Variants in BEND5 observed in about 807,000 individuals in gnomAD.
The protein encoded by BEND5 is BEN domain-containing protein 5.
In BEND5, 22 loss-of-function variants were observed where a neutral mutation model predicts 43.9. That is an observed-to-expected ratio of 0.50 (90% confidence interval 0.36 to 0.72). The LOEUF (loss-of-function observed/expected upper bound fraction) is 0.72, where lower values mean the gene tolerates loss of function less well. BEND5 is among the 30% of genes least tolerant of loss of function. BEND5 has a pLI of 0.00. For missense variants in BEND5, 428 were observed against 550.6 expected (o/e 0.78, Z 2.23); for synonymous variants, 228 against 225.9 (o/e 1.01, Z -0.08).
At chr1:48,775,945 T>G (rs1262266477) in intron 1 of BEND5, among the ~76,000 whole-genome samples, 1 of 152,178 alleles carries the variant, frequency 6.6e-6, no homozygotes, top group Non-Finnish European at 1.5e-5. Flanking sequence ...AGGGATGCCT[T>G]AGGGCCTCTA....
chr1:48,742,066 G>C (rs1331170122), intron 4 of BEND5, among the ~76,000 whole-genome samples: 1 of 152,160 alleles, frequency 6.6e-6, no homozygotes, highest in Non-Finnish European at 1.5e-5. Context: ...AGTTCTATAA[G>C]GTCCTAGGAC....
chr1:48,775,459 T>C lies in BEND5; in HGVS notation c.226+1147A>G, dbSNP rs72904875. ...AAAAAAATAGAGAAGGTCTCAAAAT[T>C]ACAAAACATCTTCATTCAGTCACTA... On this transcript the variant is annotated intron_variant, in intron 1 of 5. Coordinates refer to ENST00000371833, the MANE Select transcript of BEND5 (RefSeq NM_024603.4). Among the ~76,000 whole-genome samples, 402 of 152,218 alleles carry C rather than the reference T, an allele frequency of 2.6e-3. 1 individual carries two copies. Among genetic ancestry groups the C allele is most frequent in the African/African-American group, 8.6e-3 (357 of 41,544 alleles).
chr1:48,752,888 T>C (rs140381842), intron 3 of BEND5, among the ~76,000 whole-genome samples: 3,386 of 152,234 alleles, frequency 0.022, 101 homozygotes, highest in African/African-American at 0.078. Flanking sequence ...TAGCTGGGAC[T>C]ACAGGCACGC....
At chr1:48,737,313 A>C (rs1280931258) in intron 4 of BEND5, among the ~76,000 whole-genome samples, 1 of 152,152 alleles carries the variant, frequency 6.6e-6, no homozygotes, top group Non-Finnish European at 1.5e-5. Context: ...AGAAAAGAAA[A>C]AAAAATCATC....
intron 5 of BEND5, among the ~76,000 whole-genome samples, chr1:48,731,451 C>T (rs1648115394): frequency 6.6e-6 from 1 of 152,134 alleles, no homozygotes; most frequent in African/African-American, 2.4e-5. Context: ...TTAGACAAGT[C>T]TCCTAGGAGG....
intron 5 of BEND5, among the ~76,000 whole-genome samples, chr1:48,728,422 A>G (rs1647540388): frequency 6.6e-6 from 1 of 150,486 alleles, no homozygotes; most frequent in Admixed American, 6.6e-5. Flanking sequence ...CTTAAATAAA[A>G]TAGTTTATTT....
chr1:48,734,280 T>C (rs1648655097), intron 5 of BEND5, among the ~76,000 whole-genome samples: 1 of 152,220 alleles, frequency 6.6e-6, no homozygotes, highest in Admixed American at 6.5e-5. Context: ...ATCTAGGCTC[T>C]GAAACCTTAT....
intron 5 of BEND5, 109 bp from the exon 6 acceptor site, chr1:48,728,152 C>G (rs1647476163): frequency 1.0e-6 from 1 of 965,032 alleles, no homozygotes; most frequent in Admixed American, 2.7e-5. Context: ...CAAATACCAG[C>G]TTATGTATCT....
rs561858175 is a variant in BEND5, at chr1:48,736,990, A to G, written c.895-538T>C. Among the ~76,000 whole-genome samples the G allele has an allele frequency of 6.6e-6, 1 of 152,278 alleles. No individual in the cohort carries two copies. Among genetic ancestry groups the G allele is most frequent in the East Asian group, 1.9e-4 (1 of 5,168 alleles). ...AGGGGTCACCTAGGGAGCTGTAAAAATCACCAGTGACAGCCAGGCATGGTG... is the reference window on the plus strand; with the variant it reads ...AGGGGTCACCTAGGGAGCTGTAAAAGTCACCAGTGACAGCCAGGCATGGTG... On this transcript the variant is annotated intron_variant, in intron 4 of 5. Transcript: ENST00000371833. The surrounding 1 kb of genome is among the most constrained non-coding windows in gnomAD (Gnocchi z 4.0).
chr1:48,736,461 A>G lies in BEND5; in HGVS notation c.895-9T>C. ...CCGCTTCCCAGATGGACCTGAGAGG[A>G]ATAAGAACACCAGCACCTGTTTAGT... On this transcript the variant is annotated splice_polypyrimidine_tract_variant and intron_variant, in intron 4 of 5. Coordinates refer to ENST00000371833, the MANE Select transcript of BEND5 (RefSeq NM_024603.4). The surrounding 1 kb of genome is among the most constrained non-coding windows in gnomAD (Gnocchi z 4.0). 1 of 1,613,236 alleles carries G rather than the reference A, an allele frequency of 6.2e-7. No individual in the cohort carries two copies. The highest frequency in any genetic ancestry group is 1.3e-5 in the African/African-American group (1 of 75,030).
At chr1:48,731,611 C>T (rs1413209147) in intron 5 of BEND5, among the ~76,000 whole-genome samples, 3 of 152,240 alleles carry the variant, frequency 2.0e-5, no homozygotes, top group East Asian at 1.9e-4. Flanking sequence ...GTTAGCCAGG[C>T]AAAGCAGCAC....
intron 1 of BEND5, among the ~76,000 whole-genome samples, chr1:48,764,331 T>C (rs1644423740): frequency 6.6e-6 from 1 of 152,238 alleles, no homozygotes; most frequent in Non-Finnish European, 1.5e-5. Context: ...CCTACTCACG[T>C]TGCAGAACTG....
In BEND5 at chr1:48,758,925, G is replaced by A. The variant is rs757725667; in HGVS notation, c.720C>T (p.Asp240=). ...CGCTGCCAAGCCGCAGGAGCAGCAC[G>A]TCCTGGAGCCTCCGGTTAAGGTCAC... is the stretch of plus-strand genomic sequence containing the variant. ...ELRDLNRRLQ[D]VLLLRLGSGP... The change falls in exon 3 of 6, where the codon GAC becomes GAT. Residue 240 remains aspartate (D), a synonymous_variant. Transcript: ENST00000371833. The A allele has an allele frequency of 1.5e-5, 24 of 1,562,390 alleles. No individual in the cohort carries two copies. The East Asian group carries it at 2.5e-4, about 16-fold the overall frequency.
At chr1:48,740,488 CA>C in intron 4 of BEND5, among the ~76,000 whole-genome samples, 1 of 152,130 alleles carries the variant, frequency 6.6e-6, no homozygotes, top group East Asian at 1.9e-4. Flanking sequence ...AACATTTAGA[CA>C]AAGAAACACA....
chr1:48,754,015 G>C (rs1201810836), intron 3 of BEND5, among the ~76,000 whole-genome samples: 1 of 152,156 alleles, frequency 6.6e-6, no homozygotes, highest in Admixed American at 6.5e-5. Flanking sequence ...CATCCTGAAG[G>C]CAAGGATTAT....
chr1:48,751,807 C>A (rs1029260914), intron 3 of BEND5, among the ~76,000 whole-genome samples: 1 of 152,152 alleles, frequency 6.6e-6, no homozygotes, highest in African/African-American at 2.4e-5. Context: ...TGGAGTTGTC[C>A]CTCAACCCCA....
rs537041527 is a variant in BEND5 at position 48,736,561 on chromosome 1, A to G, written c.895-109T>C. The G allele has an allele frequency of 2.7e-5, 26 of 950,386 alleles. No homozygotes were observed. The African/African-American group carries it at 4.3e-4, about 16-fold the overall frequency. 58.9% of individuals were successfully genotyped at this position (950,386 alleles called of 1,614,324 possible). On this transcript the variant is annotated intron_variant, in intron 4 of 5. Transcript: ENST00000371833. This position sits in a 1 kb window ranked among gnomAD's most constrained non-coding sequence, Gnocchi z 4.0. ...TGCACAACTGTAAGAGATTCATGTC[A>G]TAAATATGAAATTAACTCTCTTTAA...
chr1:48,769,345 G>A (rs1644689011), intron 1 of BEND5, among the ~76,000 whole-genome samples: 1 of 152,038 alleles, frequency 6.6e-6, no homozygotes, highest in South Asian at 2.1e-4. Context: ...CAGGACTGGG[G>A]CACAGAAAAA....
chr1:48,741,322 T>G (rs1163173706), intron 4 of BEND5, among the ~76,000 whole-genome samples: 1 of 152,368 alleles, frequency 6.6e-6, no homozygotes, highest in African/African-American at 2.4e-5. Flanking sequence ...CAGACAAGGA[T>G]GCCGAGACCC....
Sources: allele counts gnomAD v4.1 joint callset (sites outside exome capture counted in the v4.1 genomes callset), GRCh38; gene constraint gnomAD v4.1.1; non-coding constraint Gnocchi (gnomAD v3.1); transcripts MANE v1.5; gene names NCBI Gene and HGNC (gene_info 2026-07-23, HGNC 2026-07-21).